BLTP3B: variants seen among roughly 807,000 people sequenced by gnomAD.
BLTP3B encodes bridge-like lipid transfer protein family member 3B, also known as UHRF1 (ICBP90) binding protein 1-like.
the BLTP3B span, chr12:100,059,165 A>T: frequency 6.2e-7 from 1 of 1,614,128 alleles, no homozygotes; most frequent in Non-Finnish European, 8.5e-7. Context: ...TCCCTTCATA[A>T]TCTATCCAAA....
chr12:100,142,819 A>AGGCCGCCAC, the BLTP3B span: 5 of 826,536 alleles, frequency 6.0e-6, no homozygotes, highest in South Asian at 3.8e-5. Flanking sequence ...CATCACGCTC[A>AGGCCGCCAC]GGCCGCCACG....
the BLTP3B span, chr12:100,039,903 G>A: frequency 1.1e-6 from 1 of 911,812 alleles, no homozygotes; most frequent in South Asian, 2.6e-5. Context: ...TTAGTTATGA[G>A]GATAGTAGTA....
At chr12:100,127,080 T>C in the BLTP3B span, among the ~76,000 whole-genome samples, 3 of 151,004 alleles carry the variant, frequency 2.0e-5, no homozygotes, top group African/African-American at 7.3e-5. Flanking sequence ...AAAAAAAAGA[T>C]ATGTTTTAAG....
At chr12:100,112,858 C>CAAAAAAA in the BLTP3B span, among the ~76,000 whole-genome samples, 1 of 60,620 alleles carries the variant, frequency 1.6e-5, no homozygotes, top group East Asian at 5.7e-4. Flanking sequence ...GACTCCATCT[C>CAAAAAAA]AAAAAAAAAA....
At chr12:100,125,335 CAAAAAAA>C in the BLTP3B span, among the ~76,000 whole-genome samples, 9 of 74,098 alleles carry the variant, frequency 1.2e-4, no homozygotes, top group East Asian at 4.8e-4. Context: ...GTTTCCATCT[CAAAAAAA>C]AAAAAAAAAA....
At chr12:100,068,730 A>T in the BLTP3B span, among the ~76,000 whole-genome samples, 6 of 152,360 alleles carry the variant, frequency 3.9e-5, no homozygotes, top group Non-Finnish European at 4.4e-5. Context: ...CAAATGGCCA[A>T]CAAACATAGA....
At chr12:100,037,546 TAA>T in the BLTP3B span, 4 of 1,548,496 alleles carry the variant, frequency 2.6e-6, no homozygotes, top group Non-Finnish European at 2.6e-6. Flanking sequence ...TTCATGAAAA[TAA>T]AAGTCTTCCC....
the BLTP3B span, among the ~76,000 whole-genome samples, chr12:100,045,048 T>C: frequency 4.2e-4 from 64 of 152,272 alleles, no homozygotes; most frequent in African/African-American, 1.5e-3. Flanking sequence ...ACAAGGGAAG[T>C]GAGGGACCTC....
the BLTP3B span, among the ~76,000 whole-genome samples, chr12:100,073,613 T>A: frequency 6.6e-6 from 1 of 151,968 alleles, no homozygotes; most frequent in South Asian, 2.1e-4. Flanking sequence ...GTAAATTCAG[T>A]CATACCTTAC....
At chr12:100,058,783 C>T in the BLTP3B span, 3 of 1,613,960 alleles carry the variant, frequency 1.9e-6, no homozygotes, top group Non-Finnish European at 2.5e-6. Context: ...ATAAGTGACT[C>T]ATGCAGGAAA....
At chr12:100,095,920 C>T in the BLTP3B span, 31 of 1,243,750 alleles carry the variant, frequency 2.5e-5, no homozygotes, top group Non-Finnish European at 2.9e-5. Flanking sequence ...GTTTTCAAAA[C>T]GTTTTTGAAT....
the BLTP3B span, among the ~76,000 whole-genome samples, chr12:100,111,934 GACTC>G: frequency 2.0e-5 from 3 of 151,900 alleles, no homozygotes; most frequent in South Asian, 6.3e-4. Flanking sequence ...TAAAGACAGG[GACTC>G]ACTATGTTGC....
At chr12:100,037,380 A>G in the BLTP3B span, 1 of 1,142,610 alleles carries the variant, frequency 8.8e-7, no homozygotes, top group Non-Finnish European at 1.1e-6. Context: ...ATTATTTTAC[A>G]CTATGTGTTG....
the BLTP3B span, chr12:100,051,133 A>AG: frequency 6.2e-7 from 1 of 1,614,160 alleles, no homozygotes; most frequent in Non-Finnish European, 8.5e-7. Flanking sequence ...TGGCATCTGG[A>AG]GAAGTTTCAC....
chr12:100,092,674 T>C, the BLTP3B span: 1 of 154,772 alleles, frequency 6.5e-6, no homozygotes. Flanking sequence ...ATATTCCATT[T>C]TATATAAACA....
the BLTP3B span, among the ~76,000 whole-genome samples, chr12:100,132,897 G>A: frequency 6.6e-6 from 1 of 151,966 alleles, no homozygotes; most frequent in African/African-American, 2.4e-5. Context: ...ACAGTGAGCT[G>A]AGATTGTGCC....
At chr12:100,119,971 T>C in the BLTP3B span, among the ~76,000 whole-genome samples, 1 of 152,238 alleles carries the variant, frequency 6.6e-6, no homozygotes, top group Non-Finnish European at 1.5e-5. Flanking sequence ...ACACTGTAAC[T>C]ACAGGGCAAC....
the BLTP3B span, among the ~76,000 whole-genome samples, chr12:100,086,873 A>T: frequency 9.1e-3 from 1,388 of 152,300 alleles, 23 homozygotes; most frequent in African/African-American, 0.032. Flanking sequence ...CTGAAAAGGA[A>T]ATTAAGGCTG....
chr12:100,102,869 G>A, the BLTP3B span: 101 of 1,495,130 alleles, frequency 6.8e-5, no homozygotes, highest in Admixed American at 4.4e-4. Context: ...TAATAAAAAC[G>A]TTAAAATATA....
Sources: allele counts gnomAD v4.1 joint callset (sites outside exome capture counted in the v4.1 genomes callset), GRCh38; gene constraint gnomAD v4.1.1; transcripts MANE v1.5; gene names NCBI Gene and HGNC (gene_info 2026-07-23, HGNC 2026-07-21).